Variants in SMTN observed in about 807,000 individuals in gnomAD.
SMTN encodes smoothelin.
In SMTN, 58 loss-of-function variants were observed where a neutral mutation model predicts 102.0. That is an observed-to-expected ratio of 0.57 (90% confidence interval 0.46 to 0.71). SMTN has a LOEUF of 0.71. SMTN is among the 30% of genes least tolerant of loss of function. The pLI, the probability that SMTN is intolerant of heterozygous loss-of-function variation, is 0.00. For missense variants in SMTN, 1,185 were observed against 1,241.7 expected, an observed-to-expected ratio of 0.95 and a Z score of 0.69; for synonymous variants, 478 against 497.9, an observed-to-expected ratio of 0.96 and a Z score of 0.53.
At position 31,087,980 on chromosome 22, in the gene SMTN, G is replaced by A. The variant is rs768645283; in HGVS notation, c.67G>A (p.Asp23Asn). ...CCCACTGCAGCTGGAGGTCACAGCA[G>A]ATCTGGCAGAGCGGCGGCGCATCCG... ...ALRKLLEVTA[D>N]LAERRRIRSA... Residue 23 changes from aspartate to asparagine, a missense_variant, in exon 3 of 21, where the codon GAT becomes AAT. Asp to Asn is a conservative substitution (Grantham distance 23). This residue lies in a region of SMTN where 1,096 missense variants were observed against 1,112.7 expected (regional missense o/e 0.98). Transcript: ENST00000333137. 2.7e-5 allele frequency: 44 copies of A among 1,604,066 alleles called. No individual in the cohort carries two copies. The highest frequency in any genetic ancestry group is 3.7e-5 in the Non-Finnish European group (43 of 1,173,038).
Position 31,096,865 on chromosome 22 carries a change from C to T in SMTN, c.1994C>T (p.Thr665Ile), listed in dbSNP as rs1221598848. ...GCAGCTGATGGCTCTGCTGTCAGCACTGTTACCAAGACTGAGCGGCTCGTC... is the reference window on the plus strand; with the variant it reads ...GCAGCTGATGGCTCTGCTGTCAGCATTGTTACCAAGACTGAGCGGCTCGTC... ...QRAADGSAVS[T>I]VTKTERLVHS... The change falls in exon 14 of 21, where the codon ACT (threonine) becomes ATT (isoleucine). Residue 665 changes from threonine to isoleucine, a missense_variant. This residue lies in a region of SMTN where 1,096 missense variants were observed against 1,112.7 expected (regional missense o/e 0.98). Coordinates refer to ENST00000333137, the MANE Select transcript of SMTN (RefSeq NM_134269.3). The T allele has an allele frequency of 1.3e-6, 2 of 1,582,036 alleles. No homozygotes were observed. The highest frequency in any genetic ancestry group is 8.6e-7 in the Non-Finnish European group (1 of 1,161,444).
At chr22:31,065,829 A>G (rs1250489096) in intron 1 of SMTN, 2 of 152,042 alleles carry the variant, frequency 1.3e-5, no homozygotes, top group East Asian at 3.9e-4. Context: ...TAGGATCCTT[A>G]TCTATAAAAT....
chr22:31,087,189 A>G (rs1045083058), intron 2 of SMTN: 1 of 152,168 alleles, frequency 6.6e-6, no homozygotes, highest in Non-Finnish European at 1.5e-5. Context: ...TGGCTGACTC[A>G]CTCCAGAGAA....
intron 16 of SMTN, 127 bp downstream of exon 16, chr22:31,097,465 AG>A: frequency 1.2e-6 from 1 of 833,152 alleles, no homozygotes; most frequent in Non-Finnish European, 2.0e-6. Flanking sequence ...GCACTTTGGG[AG>A]GCCGAGGTGG....
At position 31,083,265 on chromosome 22, in the gene SMTN, G is replaced by A. The variant is rs1320817942; in HGVS notation, c.7G>A (p.Asp3Asn). The change falls in exon 2 of 21, where the codon GAC (aspartate) becomes AAC (asparagine). Residue 3 changes from aspartate to asparagine, a missense_variant. Coordinates refer to ENST00000333137, the MANE Select transcript of SMTN (RefSeq NM_134269.3). MA[D>N]EALAGLDEGA... ...GGAGCTAGGGGCCAGCGAGATGGCG[G>A]ACGAGGCCTTAGCTGGGCTGGATGA... is the stretch of plus-strand genomic sequence containing the variant. 1 of 1,596,798 alleles carries A rather than the reference G, an allele frequency of 6.3e-7. No homozygotes were observed. Among genetic ancestry groups the A allele is most frequent in the East Asian group, 2.3e-5 (1 of 44,210 alleles).
Position 31,091,211 on chromosome 22 carries a change from G to T in SMTN, c.1188G>T (p.Glu396Asp). ...ATACCTCCTCCCGGTTCAGCAAGGA[G>T]CAACGAGGAGTAGCCCAGCCCCTGG... ...PSDTSSRFSK[E>D]QRGVAQPLAQ... is the part of the protein sequence containing the mutation. Residue 396 changes from glutamate (E) to aspartate (D), a missense_variant, in exon 10 of 21, where the codon GAG becomes GAT. Around this residue, in one of 2 missense-constraint regions of SMTN, gnomAD observed 1,096 missense variants for 1,112.7 expected, o/e 0.98. Transcript: ENST00000333137. 1 of 1,612,208 alleles carries T rather than the reference G, an allele frequency of 6.2e-7. No homozygotes were observed. The highest frequency in any genetic ancestry group is 8.5e-7 in the Non-Finnish European group (1 of 1,179,392).
intron 18 of SMTN, 71 bp downstream of exon 18, chr22:31,099,250 G>C: frequency 1.0e-6 from 1 of 973,788 alleles, no homozygotes; most frequent in Non-Finnish European, 1.6e-6. Context: ...TCTTAGCAGA[G>C]CTCCTATTAC....
At chr22:31,074,237 G>A (rs1602573578) in intron 1 of SMTN, among the ~76,000 whole-genome samples, 1 of 152,046 alleles carries the variant, frequency 6.6e-6, no homozygotes, top group East Asian at 1.9e-4. Context: ...AAATTAGTCA[G>A]GTGTGGTGGT....
At chr22:31,083,896 G>C (rs2042479164) in intron 2 of SMTN, among the ~76,000 whole-genome samples, 2 of 152,212 alleles carry the variant, frequency 1.3e-5, no homozygotes, top group Non-Finnish European at 2.9e-5. Context: ...GGCTGGACGA[G>C]GCCATAAGAG....
At chr22:31,093,553 G>T (rs986994192) in intron 11 of SMTN, 1 of 720,244 alleles carries the variant, frequency 1.4e-6, no homozygotes, top group East Asian at 2.6e-5. Context: ...AGGCCGGGTG[G>T]CAGTGACCCA....
intron 18 of SMTN, chr22:31,099,388 G>T: frequency 1.7e-6 from 1 of 594,778 alleles, no homozygotes; most frequent in Non-Finnish European, 3.0e-6. Context: ...AAGTAACAGG[G>T]CCTCTTGGGT....
chr22:31,088,530 C>G lies in SMTN; in HGVS notation c.218C>G (p.Ala73Gly). Residue 73 changes from alanine to glycine, a missense_variant, in exon 4 of 21, where the codon GCT becomes GGT. By Grantham distance (60) the Ala-to-Gly change is moderately conservative. Coordinates refer to ENST00000333137, the MANE Select transcript of SMTN (RefSeq NM_134269.3). ...CTCTGCAGCTCTCAGCAGCGGGAAG[C>G]TGAGCAGCGGGCTGCCCTGGCACGG... Reference protein sequence around the residue: ...ENWLHSQQREAEQRAALARLA... With the variant: ...ENWLHSQQREGEQRAALARLA... The G allele has an allele frequency of 6.2e-7, 1 of 1,613,852 alleles. No individual in the cohort carries two copies. The highest frequency in any genetic ancestry group is 1.3e-5 in the African/African-American group (1 of 75,040).
intron 6 of SMTN, 141 bp from the exon 7 acceptor site, chr22:31,089,558 G>T: frequency 4.1e-6 from 3 of 723,814 alleles, no homozygotes; most frequent in South Asian, 3.4e-5. Flanking sequence ...CAGTGCTTGC[G>T]CAGGTGTGCC....
chr22:31,087,389 T>C (rs2042778411), intron 2 of SMTN, among the ~76,000 whole-genome samples: 2 of 152,294 alleles, frequency 1.3e-5, no homozygotes, highest in South Asian at 4.1e-4. Context: ...TCTTCCATGG[T>C]GGCTAGGTCC....
At position 31,091,387 on chromosome 22, in the gene SMTN, G is replaced by C. The variant is rs1064178; in HGVS notation, c.1364G>C (p.Gly455Ala). 55 of 1,597,332 alleles carry C rather than the reference G, an allele frequency of 3.4e-5. No individual in the cohort carries two copies. The African/African-American group carries it at 7.1e-4, about 21-fold the overall frequency. The part of the protein sequence containing the change: ...PVAVGTAEPG[G>A]SMKTTFTIEI... Reference sequence around the variant, plus strand: ...GCCGTCGGCACTGCCGAGCCAGGGGGCAGTATGAAGACCACATTCACCATC... The same window carrying C: ...GCCGTCGGCACTGCCGAGCCAGGGGCCAGTATGAAGACCACATTCACCATC... The change falls in exon 10 of 21, where the codon GGC (glycine) becomes GCC (alanine). Residue 455 changes from glycine to alanine, a missense_variant. Physicochemically the swap from Gly to Ala is moderately conservative, Grantham distance 60. Around this residue, in one of 2 missense-constraint regions of SMTN, gnomAD observed 1,096 missense variants for 1,112.7 expected, o/e 0.98. Transcript: ENST00000333137.
intron 2 of SMTN, chr22:31,083,666 A>C: frequency 4.9e-6 from 1 of 203,562 alleles, no homozygotes; most frequent in Non-Finnish European, 1.0e-5. Flanking sequence ...CCCAGTGATA[A>C]TGGTAGCAGC....
At chr22:31,077,158 A>T (rs1320231946), upstream of SMTN, among the ~76,000 whole-genome samples, 1 of 152,214 alleles carries the variant, frequency 6.6e-6, no homozygotes, top group Non-Finnish European at 1.5e-5. Context: ...CTGTAATCCT[A>T]GCACTTTGGA....
intron 19 of SMTN, 125 bp from the exon 20 acceptor site, chr22:31,100,760 G>A: frequency 1.6e-6 from 1 of 624,904 alleles, no homozygotes; most frequent in Non-Finnish European, 2.9e-6. Context: ...GTGTGTGTGT[G>A]TGTATGTGTG....
chr22:31,066,597 G>T (rs1222964656), intron 1 of SMTN: 1 of 151,996 alleles, frequency 6.6e-6, no homozygotes, highest in Admixed American at 6.6e-5. Context: ...GTGAGCCACC[G>T]TGCCCAGCCA....
Sources: allele counts gnomAD v4.1 joint callset (sites outside exome capture counted in the v4.1 genomes callset), GRCh38; gene constraint gnomAD v4.1.1; regional missense constraint gnomAD v4.1.1; transcripts MANE v1.5; gene names NCBI Gene and HGNC (gene_info 2026-07-23, HGNC 2026-07-21).